Variants in NEURL1B observed in about 807,000 individuals in gnomAD.
The protein encoded by NEURL1B is neuralized E3 ubiquitin protein ligase 1B.
Under a neutral mutation model 37.4 loss-of-function variants are expected in NEURL1B, and 13 were observed. The ratio of observed to expected loss-of-function variants is 0.35; its 90% CI spans 0.23 to 0.55. NEURL1B has a LOEUF of 0.55. Among genes scored for constraint, NEURL1B ranks in the 20% least tolerant of loss-of-function variants. The probability of loss-of-function intolerance (pLI) is 0.89; values close to 1 mark genes in which losing one functional copy is unlikely to be tolerated. For missense variants in NEURL1B, 790 were observed against 879.2 expected (o/e 0.90, Z 1.28); for synonymous variants, 432 against 426.6 (o/e 1.01, Z -0.16).
Position 172,641,931 on chromosome 5 carries a change from G to A in NEURL1B, c.31+494G>A, listed in dbSNP as rs1479050563. 2.0e-5 allele frequency among the ~76,000 whole-genome samples: 3 copies of A among 152,190 alleles called. No individual in the cohort carries two copies. The East Asian group carries it at 5.8e-4, about 29-fold the overall frequency. ...CCCGCGGCACATGCTGCCGTGCTTT[G>A]GCCACGTTCCCACGCGCACCCCGGT... On this transcript the variant is annotated intron_variant, in intron 1 of 4. Transcript: ENST00000369800. This position sits in a 1 kb window ranked among gnomAD's most constrained non-coding sequence, Gnocchi z 6.4.
At position 172,683,702 on chromosome 5, in the gene NEURL1B, G is replaced by A. The variant is rs1041177548; in HGVS notation, c.861G>A (p.Gly287=). 2.9e-6 allele frequency: 4 copies of A among 1,358,442 alleles called. No individual in the cohort carries two copies. The highest frequency in any genetic ancestry group is 3.1e-5 in the African/African-American group (2 of 64,216). The allele number at this position is 1,358,442 out of a possible 1,614,324, so 84.1% of individuals were successfully genotyped here. ...ACCTGCGCTTCCACGCAACACGCGGGCCCGACGTGAGCCTGTCGGCCGACC... is the reference window on the plus strand; with the variant it reads ...ACCTGCGCTTCCACGCAACACGCGGACCCGACGTGAGCCTGTCGGCCGACC... ...EADLRFHATR[G]PDVSLSADRK... Residue 287 remains glycine, a synonymous_variant, in exon 3 of 5, where the codon GGG becomes GGA. Coordinates refer to ENST00000369800, the MANE Select transcript of NEURL1B (RefSeq NM_001142651.3). This position sits in a 1 kb window ranked among gnomAD's most constrained non-coding sequence, Gnocchi z 5.6.
rs1202451630 is a variant in NEURL1B at position 172,675,783 on chromosome 5, G to A, written c.577+5453G>A. Among the ~76,000 whole-genome samples, 2 of 152,176 alleles carry A rather than the reference G, an allele frequency of 1.3e-5. No individual in the cohort carries two copies. Among genetic ancestry groups the A allele is most frequent in the African/African-American group, 2.4e-5 (1 of 41,432 alleles). On this transcript the variant is annotated intron_variant, in intron 2 of 4. Coordinates refer to ENST00000369800, the MANE Select transcript of NEURL1B (RefSeq NM_001142651.3). This position sits in a 1 kb window ranked among gnomAD's most constrained non-coding sequence, Gnocchi z 4.7. ...TTTCAGCATCACTAATCTGATATCC[G>A]AAAATCACTGTTGATGATTCTAGAT...
intron 1 of NEURL1B, among the ~76,000 whole-genome samples, chr5:172,654,538 T>C (rs1227256479): frequency 6.6e-6 from 1 of 151,692 alleles, no homozygotes; most frequent in Non-Finnish European, 1.5e-5. Flanking sequence ...TCTAACAGAA[T>C]AGCCCCATAC....
intron 1 of NEURL1B, among the ~76,000 whole-genome samples, chr5:172,645,617 C>G (rs143241429): frequency 0.011 from 1,739 of 152,306 alleles, 13 homozygotes; most frequent in Non-Finnish European, 0.018. Flanking sequence ...CTCTCCTCCC[C>G]CTTCCCCAGG....
At chr5:172,656,341 TAA>T (rs1757776676) in intron 1 of NEURL1B, among the ~76,000 whole-genome samples, 1 of 151,980 alleles carries the variant, frequency 6.6e-6, no homozygotes, top group African/African-American at 2.4e-5. Context: ...ACTAGGAAGT[TAA>T]GTTTATTTTT....
rs970392993 is a variant in NEURL1B, at chr5:172,683,522, C to G, written c.681C>G (p.Asn227Lys). 3 of 1,500,510 alleles carry G rather than the reference C, an allele frequency of 2.0e-6. No individual in the cohort carries two copies. Among genetic ancestry groups the G allele is most frequent in the African/African-American group, 2.9e-5 (2 of 69,348 alleles). 92.9% of individuals were successfully genotyped at this position (1,500,510 alleles called of 1,614,324 possible). A position where few individuals can be genotyped will look rare whatever the true frequency, so the allele number is the denominator to read the frequency against. Reference sequence around the variant, plus strand: ...ACGACGCGGCCAACTTCGACAACAACGAGCTCGAGAACAACCAGGTGGTGG... The same window carrying G: ...ACGACGCGGCCAACTTCGACAACAAGGAGCTCGAGAACAACCAGGTGGTGG... ...SSHDAANFDN[N>K]ELENNQVVAK... Residue 227 changes from asparagine to lysine, a missense_variant, in exon 3 of 5, where the codon AAC becomes AAG. Physicochemically the swap from Asn to Lys is moderately conservative, Grantham distance 94. Around this residue, in one of 3 missense-constraint regions of NEURL1B, gnomAD observed 460 missense variants for 407.4 expected, o/e 1.13. Coordinates refer to ENST00000369800, the MANE Select transcript of NEURL1B (RefSeq NM_001142651.3). This position sits in a 1 kb window ranked among gnomAD's most constrained non-coding sequence, Gnocchi z 5.6.
Position 172,675,419 on chromosome 5 carries a change from G to A in NEURL1B, c.577+5089G>A, listed in dbSNP as rs35847237. Among the ~76,000 whole-genome samples the A allele has an allele frequency of 4.4e-3, 666 of 152,176 alleles. 3 individuals carry two copies. The highest frequency in any genetic ancestry group is 7.3e-3 in the Non-Finnish European group (496 of 68,008). On this transcript the variant is annotated intron_variant, in intron 2 of 4. Coordinates refer to ENST00000369800, the MANE Select transcript of NEURL1B (RefSeq NM_001142651.3). The surrounding 1 kb of genome is among the most constrained non-coding windows in gnomAD (Gnocchi z 4.7). ...CTGTAGGGTGCATTGTCTCAGGGCTGCTCTATGCTTGTTTAATGGTCTCTG... is the reference window on the plus strand; with the variant it reads ...CTGTAGGGTGCATTGTCTCAGGGCTACTCTATGCTTGTTTAATGGTCTCTG...
chr5:172,691,490 A>G lies in NEURL1B; in HGVS notation c.*4565A>G, dbSNP rs1758658465. ...GTCTTTTTATCTGTTTTATATTGAC[A>G]TAATTTTCCTGTTTAAAAAAATACA... On this transcript the variant is annotated 3_prime_UTR_variant, in exon 5 of 5. Coordinates refer to ENST00000369800, the MANE Select transcript of NEURL1B (RefSeq NM_001142651.3). 1 of 132,972 alleles carries G rather than the reference A, an allele frequency of 7.5e-6. No homozygotes were observed. Among genetic ancestry groups the G allele is most frequent in the Admixed American group, 7.8e-5 (1 of 12,766 alleles). 8.2% of individuals were successfully genotyped at this position (132,972 alleles called of 1,614,324 possible).
chr5:172,673,297 G>A (rs190944174), intron 2 of NEURL1B, among the ~76,000 whole-genome samples: 7 of 152,124 alleles, frequency 4.6e-5, no homozygotes, highest in East Asian at 1.9e-4. Context: ...CTTCCTGAAC[G>A]TGGTGTCCAA....
chr5:172,654,571 AT>A (rs34546667), intron 1 of NEURL1B, among the ~76,000 whole-genome samples: 36,322 of 136,860 alleles, frequency 0.27, 4,534 homozygotes, highest in South Asian at 0.38. Context: ...GAGTTAAACT[AT>A]TTTTTTTTTT....
intron 2 of NEURL1B, among the ~76,000 whole-genome samples, chr5:172,671,747 G>A (rs1758133220): frequency 1.3e-5 from 2 of 152,216 alleles, no homozygotes; most frequent in South Asian, 4.1e-4. Flanking sequence ...GCATTTTGTG[G>A]GAAAACCCTG....
intron 1 of NEURL1B, among the ~76,000 whole-genome samples, chr5:172,666,089 C>T (rs1176835751): frequency 6.6e-6 from 1 of 152,190 alleles, no homozygotes; most frequent in Non-Finnish European, 1.5e-5. Context: ...CCCTCTCCTA[C>T]CTTAGGGGTC....
rs886306089 is a variant in NEURL1B at position 172,661,747 on chromosome 5, G to A, written c.32-8038G>A. ...GAACTCCAGCAGGCTGGAAGCCGGCGTCTCGGGGCCAGAGTATCGGGAGCT... is the reference window on the plus strand; with the variant it reads ...GAACTCCAGCAGGCTGGAAGCCGGCATCTCGGGGCCAGAGTATCGGGAGCT... On this transcript the variant is annotated intron_variant, in intron 1 of 4. Coordinates refer to ENST00000369800, the MANE Select transcript of NEURL1B (RefSeq NM_001142651.3). This position sits in a 1 kb window ranked among gnomAD's most constrained non-coding sequence, Gnocchi z 4.0. Among the ~76,000 whole-genome samples, 13 of 152,246 alleles carry A rather than the reference G, an allele frequency of 8.5e-5. No homozygotes were observed. The highest frequency in any genetic ancestry group is 1.9e-4 in the African/African-American group (8 of 41,458).
chr5:172,684,026 C>A lies in NEURL1B; in HGVS notation c.1185C>A (p.Leu395=). Residue 395 remains leucine, a synonymous_variant, in exon 3 of 5, where the codon CTC becomes CTA. Transcript: ENST00000369800. ...CGCTGCGGCCCGGCGGCGACGTGCT[C>A]CTGGGCATCAACGGGCGTCCGCGCG... ...SFTLRPGGDV[L]LGINGRPRGR... 7.5e-7 allele frequency: 1 copy of A among 1,340,830 alleles called. No homozygotes were observed. Among genetic ancestry groups the A allele is most frequent in the South Asian group, 1.7e-5 (1 of 58,918 alleles). The allele number at this position is 1,340,830 out of a possible 1,614,324, so 83.1% of individuals were successfully genotyped here.
intron 1 of NEURL1B, among the ~76,000 whole-genome samples, chr5:172,668,515 T>C (rs748133111): frequency 1.3e-4 from 20 of 152,146 alleles, no homozygotes; most frequent in Admixed American, 3.3e-4. Context: ...CATTTTCCCC[T>C]GCCCTAGCTC....
At chr5:172,659,523 C>T (rs1757856552) in intron 1 of NEURL1B, among the ~76,000 whole-genome samples, 5 of 152,190 alleles carry the variant, frequency 3.3e-5, no homozygotes, top group Admixed American at 3.3e-4. Flanking sequence ...AAAACCTGGA[C>T]TGTTTTCTTA....
At chr5:172,643,124 G>A (rs534006875) in intron 1 of NEURL1B, among the ~76,000 whole-genome samples, 9 of 152,278 alleles carry the variant, frequency 5.9e-5, no homozygotes, top group African/African-American at 2.2e-4. Flanking sequence ...CTCTCTCTGT[G>A]GACTGGGCCA....
Position 172,686,712 on chromosome 5 carries a change from G to C in NEURL1B, c.1455G>C (p.Pro485=). The change falls in exon 5 of 5, where the codon CCG becomes CCC. Residue 485 remains proline (P), a synonymous_variant. Coordinates refer to ENST00000369800, the MANE Select transcript of NEURL1B (RefSeq NM_001142651.3). This position sits in a 1 kb window ranked among gnomAD's most constrained non-coding sequence, Gnocchi z 7.9. ...CCCCCAGCTCCCCGCTGAGCCCCCC[G>C]GTGTCCCCCGTGTTCTCCCCACCGG... ...VTAPSSPLSP[P]VSPVFSPPEP... is the part of the protein sequence containing the mutation. 6.4e-7 allele frequency: 1 copy of C among 1,550,874 alleles called. No homozygotes were observed. The highest frequency in any genetic ancestry group is 8.7e-7 in the Non-Finnish European group (1 of 1,146,742).
At position 172,647,953 on chromosome 5, in the gene NEURL1B, G is replaced by A. The variant is rs942877823; in HGVS notation, c.31+6516G>A. Among the ~76,000 whole-genome samples, 4 of 152,022 alleles carry A rather than the reference G, an allele frequency of 2.6e-5. No individual in the cohort carries two copies. Among genetic ancestry groups the A allele is most frequent in the African/African-American group, 9.7e-5 (4 of 41,352 alleles). ...CTTCCCTGGGCCCAGGGTCCTCACA[G>A]GCCCTTCCCCCATCCCGGACTTCCA... On this transcript the variant is annotated intron_variant, in intron 1 of 4. Coordinates refer to ENST00000369800, the MANE Select transcript of NEURL1B (RefSeq NM_001142651.3). The surrounding 1 kb of genome is among the most constrained non-coding windows in gnomAD (Gnocchi z 4.2).
Sources: gnomAD v4.1 joint callset for allele counts (sites outside exome capture counted in the v4.1 genomes callset) on GRCh38, gnomAD v4.1.1 for gene constraint, gnomAD v4.1.1 regional missense constraint, Gnocchi (gnomAD v3.1) non-coding constraint, MANE v1.5 for transcripts, NCBI Gene and HGNC (gene_info 2026-07-23, HGNC 2026-07-21) for gene names.